The following DEPDC5 variants were observed in gnomAD, a reference collection of about 807,000 sequenced individuals.
DEPDC5 encodes the protein DEP domain containing 5, GATOR1 subcomplex subunit, also known as GATOR1 complex protein DEPDC5.
DEPDC5 carries 73 observed loss-of-function variants against 217.3 expected under a neutral mutation model. That is an observed-to-expected ratio of 0.34 (90% CI 0.28 to 0.41). The LOEUF is 0.41. DEPDC5 is among the 10% of genes least tolerant of loss of function. The pLI is 1.00. For missense variants in DEPDC5, 1,675 were observed against 2,070.1 expected (o/e 0.81, Z 3.70); for synonymous variants, 733 against 756.7 (o/e 0.97, Z 0.51).
rs771613005 is a variant in DEPDC5 at position 31,806,134 on chromosome 22, C to T, written c.1230C>T (p.Ser410=). The T allele has an allele frequency of 3.1e-6, 5 of 1,613,684 alleles. No homozygotes were observed. In the South Asian group the frequency reaches 4.4e-5, roughly 14 times the overall value. The stretch of plus-strand genomic sequence containing the variant: ...GTTTCTTTTACAGTTTCTACACATC[C>T]AAAAGCCAGCTCTTTTGTAATAGTT... ...PHWINHSFYT[S]KSQLFCNSFT... Residue 410 remains serine (S), a synonymous_variant, in exon 18 of 43, where the codon TCC becomes TCT. Transcript: ENST00000651528.
At position 31,843,178 on chromosome 22, in the gene DEPDC5, G is replaced by T; in HGVS notation, c.2599G>T (p.Asp867Tyr). ...AACGTTCCACAAAGTGACGCTGAAG[G>T]ATAAGATGATCACAGTGACGCGATA... is the stretch of plus-strand genomic sequence containing the variant. Reference protein sequence around the residue: ...GRTFHKVTLKDKMITVTRYLP... With the variant: ...GRTFHKVTLKYKMITVTRYLP... Residue 867 changes from aspartate (D) to tyrosine (Y), a missense_variant, in exon 28 of 43, where the codon GAT becomes TAT. By Grantham distance (160) the Asp-to-Tyr change is radical (BLOSUM62 -3). Coordinates refer to ENST00000651528, the MANE Select transcript of DEPDC5 (RefSeq NM_001242896.3). 1 of 1,614,148 alleles carries T rather than the reference G, an allele frequency of 6.2e-7. No homozygotes were observed. Among genetic ancestry groups the T allele is most frequent in the Non-Finnish European group, 8.5e-7 (1 of 1,180,030 alleles).
At chr22:31,761,433 A>G (rs966121506) in intron 4 of DEPDC5, among the ~76,000 whole-genome samples, 5 of 151,506 alleles carry the variant, frequency 3.3e-5, no homozygotes, top group Admixed American at 6.6e-5. Flanking sequence ...GTGGCCTCCA[A>G]CTCCATCCAT....
At chr22:31,770,547 A>ATTTTTTTT (rs34409975) in intron 7 of DEPDC5, among the ~76,000 whole-genome samples, 50 of 133,452 alleles carry the variant, frequency 3.7e-4, no homozygotes, top group African/African-American at 4.4e-4. Context: ...CACGTAGCTA[A>ATTTTTTTT]TTTTTTTTTT....
chr22:31,864,498 T>TAA (rs1448946456), intron 33 of DEPDC5, among the ~76,000 whole-genome samples: 9 of 100,506 alleles, frequency 9.0e-5, no homozygotes, highest in East Asian at 5.3e-4. Flanking sequence ...GTTTCTTCAT[T>TAA]AAAATATATA....
intron 10 of DEPDC5, among the ~76,000 whole-genome samples, chr22:31,791,346 T>A (rs374061763): frequency 1.3e-5 from 2 of 151,984 alleles, no homozygotes; most frequent in East Asian, 3.9e-4. Flanking sequence ...CCACCTGGAT[T>A]AAGAATATTA....
At position 31,906,247 on chromosome 22, in the gene DEPDC5, C is replaced by T. The variant is rs761469352; in HGVS notation, c.4562C>T (p.Ser1521Leu). 1 of 1,614,018 alleles carries T rather than the reference C, an allele frequency of 6.2e-7. No homozygotes were observed. Among genetic ancestry groups the T allele is most frequent in the Non-Finnish European group, 8.5e-7 (1 of 1,179,984 alleles). ...LQLPYSKRKFSGQQRRRRNST... is the reference protein window; with the variant it reads ...LQLPYSKRKFLGQQRRRRNST... Reference sequence around the variant, plus strand: ...CTGCCCTACTCCAAGCGCAAGTTCTCAGGGCAGCAGCGGCGGCGGCGGAAC... The same window carrying T: ...CTGCCCTACTCCAAGCGCAAGTTCTTAGGGCAGCAGCGGCGGCGGCGGAAC... The change falls in exon 43 of 43, where the codon TCA becomes TTA. Residue 1521 changes from serine (S) to leucine (L), a missense_variant. By Grantham distance (145) the Ser-to-Leu change is moderately radical (BLOSUM62 -2). This residue lies in a region of DEPDC5 where 182 missense variants were observed against 290.1 expected (regional missense o/e 0.63). Transcript: ENST00000651528. The surrounding 1 kb of genome is among the most constrained non-coding windows in gnomAD (Gnocchi z 5.1).
intron 38 of DEPDC5, among the ~76,000 whole-genome samples, chr22:31,892,372 C>G (rs2149369995): frequency 6.6e-6 from 1 of 152,298 alleles, no homozygotes; most frequent in East Asian, 1.9e-4. Context: ...CGGTTCATAG[C>G]AGAATCTAAT....
At chr22:31,805,715 G>C (rs1253598131) in intron 17 of DEPDC5, among the ~76,000 whole-genome samples, 1 of 152,008 alleles carries the variant, frequency 6.6e-6, no homozygotes, top group Non-Finnish European at 1.5e-5. Context: ...TGGCCAACCT[G>C]GTCTTGAATA....
intron 39 of DEPDC5, chr22:31,894,332 T>A (rs1271950830): frequency 6.6e-6 from 1 of 152,172 alleles, no homozygotes; most frequent in East Asian, 1.9e-4. Context: ...CTATCACCTA[T>A]GTGTTCCATG....
intron 41 of DEPDC5, among the ~76,000 whole-genome samples, chr22:31,904,486 T>C (rs1470540920): frequency 6.6e-6 from 1 of 152,196 alleles, no homozygotes; most frequent in African/African-American, 2.4e-5. Context: ...CTCACGCCTG[T>C]AATCCCAGCA....
At chr22:31,856,904 C>T (rs1432138021) in intron 31 of DEPDC5, among the ~76,000 whole-genome samples, 1 of 151,934 alleles carries the variant, frequency 6.6e-6, no homozygotes, top group East Asian at 1.9e-4. Context: ...CGAGTAGCTG[C>T]GACTGTAGGC....
At chr22:31,830,668 T>TAG (rs994974602) in intron 24 of DEPDC5, among the ~76,000 whole-genome samples, 2 of 149,380 alleles carry the variant, frequency 1.3e-5, no homozygotes, top group South Asian at 2.1e-4. Flanking sequence ...TGTGTGTGTG[T>TAG]GTAGGTAGGT....
intron 35 of DEPDC5, 139 bp downstream of exon 35, chr22:31,873,471 CTCTCT>C: frequency 1.3e-6 from 1 of 796,614 alleles, no homozygotes; most frequent in Non-Finnish European, 1.9e-6. Flanking sequence ...GTCACTTGAC[CTCTCT>C]GAGCCTCTGT....
chr22:31,855,706 A>G (rs1013697536), intron 31 of DEPDC5, among the ~76,000 whole-genome samples: 4 of 152,136 alleles, frequency 2.6e-5, no homozygotes, highest in African/African-American at 9.7e-5. Flanking sequence ...GTGGGTAGGC[A>G]GGGTGTATGG....
intron 31 of DEPDC5, among the ~76,000 whole-genome samples, chr22:31,855,229 C>T (rs1242403716): frequency 1.3e-5 from 2 of 151,980 alleles, no homozygotes; most frequent in Non-Finnish European, 1.5e-5. Context: ...TCCCAAAGTC[C>T]TGGGATAACA....
chr22:31,842,370 G>A lies in DEPDC5; in HGVS notation c.2516-725G>A, dbSNP rs193244560. Among the ~76,000 whole-genome samples, 659 of 152,290 alleles carry A rather than the reference G, an allele frequency of 4.3e-3. 7 individuals are homozygous for A. In the South Asian group the frequency reaches 0.044, roughly 10 times the overall value. ...GCGAGTGGATCATCTGAGGTTGGGA[G>A]TTCAAGACCAGCCTGACCAACATGG... On this transcript the variant is annotated intron_variant, in intron 27 of 42. Transcript: ENST00000651528.
At chr22:31,886,708 C>T (rs111390208) in intron 38 of DEPDC5, among the ~76,000 whole-genome samples, 4 of 123,518 alleles carry the variant, frequency 3.2e-5, no homozygotes, top group African/African-American at 9.4e-5. Flanking sequence ...TGCAGTGAGC[C>T]AAGATTGCAC....
chr22:31,854,656 C>T (rs950500950), intron 31 of DEPDC5, among the ~76,000 whole-genome samples: 22 of 152,150 alleles, frequency 1.4e-4, no homozygotes, highest in African/African-American at 5.3e-4. Context: ...CCATTCTGGG[C>T]CTCCAGGCAG....
intron 41 of DEPDC5, among the ~76,000 whole-genome samples, chr22:31,902,410 A>T (rs73884230): frequency 3.4e-4 from 32 of 93,358 alleles, no homozygotes; most frequent in African/African-American, 5.0e-4. Context: ...TCTCCTTATT[A>T]TATATATATA....
Sources: gnomAD v4.1 joint callset for allele counts (sites outside exome capture counted in the v4.1 genomes callset) on GRCh38, gnomAD v4.1.1 for gene constraint, gnomAD v4.1.1 regional missense constraint, Gnocchi (gnomAD v3.1) non-coding constraint, MANE v1.5 for transcripts, NCBI Gene and HGNC (gene_info 2026-07-23, HGNC 2026-07-21) for gene names.